The following OLFM3 variants were observed in gnomAD, a reference collection of about 807,000 sequenced individuals.
OLFM3 encodes the protein noelin-3.
Under a neutral mutation model 48.6 loss-of-function variants are expected in OLFM3, and 20 were observed. The ratio of observed to expected loss-of-function variants is 0.41; its 90% CI spans 0.29 to 0.60. The LOEUF (loss-of-function observed/expected upper bound fraction) is 0.60. Ranked by LOEUF, OLFM3 falls within the 20% of genes least tolerant of loss-of-function variation. The pLI, the probability that OLFM3 is intolerant of heterozygous loss-of-function variation, is 0.28. For synonymous variants in OLFM3, 222 were observed against 198.1 expected (o/e 1.12, Z -1.01); for missense variants, 437 against 544.3 (o/e 0.80, Z 1.96).
intron 3 of OLFM3, among the ~76,000 whole-genome samples, chr1:101,827,373 T>TCA (rs1654912018): frequency 6.6e-6 from 1 of 151,828 alleles, no homozygotes; most frequent in Admixed American, 6.6e-5. Context: ...TGGAGTGCAG[T>TCA]CAGTGGCGCG....
At chr1:101,820,759 A>C (rs1654573248) in intron 4 of OLFM3, among the ~76,000 whole-genome samples, 1 of 152,096 alleles carries the variant, frequency 6.6e-6, no homozygotes, top group Non-Finnish European at 1.5e-5. Flanking sequence ...TTAGCATCTT[A>C]AAATTCATGT....
chr1:101,925,883 T>C (rs1659256498), intron 1 of OLFM3, among the ~76,000 whole-genome samples: 1 of 152,136 alleles, frequency 6.6e-6, no homozygotes, highest in Admixed American at 6.6e-5. Flanking sequence ...TGACATACCT[T>C]ATTCTCAGTT....
At chr1:101,846,207 C>T (rs1292483202) in intron 1 of OLFM3, among the ~76,000 whole-genome samples, 1 of 152,176 alleles carries the variant, frequency 6.6e-6, no homozygotes, top group Non-Finnish European at 1.5e-5. Context: ...GAAGATTATA[C>T]AAGACAGTCT....
rs1657462104 is a variant in OLFM3 at position 101,880,131 on chromosome 1, G to T, written c.70-43106C>A. On this transcript the variant is annotated intron_variant, in intron 1 of 5. Transcript: ENST00000370103. ...TTACAACTTTAGAAATGAACCCCAT[G>T]AAAATTCACACTACATAATTTAATT... Among the ~76,000 whole-genome samples the T allele has an allele frequency of 2.0e-5, 3 of 151,932 alleles. No individual in the cohort carries two copies. The South Asian group carries it at 6.2e-4, about 32-fold the overall frequency.
At chr1:101,880,801 T>C (rs1292271478) in intron 1 of OLFM3, among the ~76,000 whole-genome samples, 1 of 151,840 alleles carries the variant, frequency 6.6e-6, no homozygotes, top group African/African-American at 2.4e-5. Context: ...CTTGACTATA[T>C]ATGTTGCATC....
In OLFM3 at chr1:101,804,544, A is replaced by G. The variant is rs553939764; in HGVS notation, c.1071T>C (p.Asp357=). 1.9e-6 allele frequency: 3 copies of G among 1,612,664 alleles called. No homozygotes were observed. The highest frequency in any genetic ancestry group is 1.7e-6 in the Non-Finnish European group (2 of 1,179,156). ...GNIVISQLNQ[D]TLEVMKSWST... ...TCCAGCTCTTCATCACCTCCAAGGT[A>G]TCTTGGTTAAGTTGGCTGATGACAA... The change falls in exon 6 of 6, where the codon GAT becomes GAC. Residue 357 remains aspartate, a synonymous_variant. Transcript: ENST00000370103. This position sits in a 1 kb window ranked among gnomAD's most constrained non-coding sequence, Gnocchi z 4.5.
intron 1 of OLFM3, among the ~76,000 whole-genome samples, chr1:101,838,091 T>C (rs1000193273): frequency 5.3e-5 from 8 of 152,118 alleles, no homozygotes; most frequent in Non-Finnish European, 1.0e-4. Context: ...TGCAGCCTCC[T>C]GGGCTCAAGC....
intron 1 of OLFM3, among the ~76,000 whole-genome samples, chr1:101,956,622 T>G (rs1208089629): frequency 6.6e-6 from 1 of 151,930 alleles, no homozygotes; most frequent in African/African-American, 2.4e-5. Flanking sequence ...TTTAAAAATT[T>G]TGAGTCTGTA....
intron 1 of OLFM3, among the ~76,000 whole-genome samples, chr1:101,847,810 T>C (rs186110169): frequency 6.6e-6 from 1 of 152,302 alleles, no homozygotes; most frequent in Admixed American, 6.5e-5. Context: ...CGGACTGATA[T>C]GGAAAGTCTG....
chr1:101,875,698 T>G (rs1185707817), intron 1 of OLFM3, among the ~76,000 whole-genome samples: 1 of 151,936 alleles, frequency 6.6e-6, no homozygotes, highest in African/African-American at 2.4e-5. Flanking sequence ...TTGTCTGTCA[T>G]CAGACCACTT....
intron 1 of OLFM3, among the ~76,000 whole-genome samples, chr1:101,907,256 T>G (rs1239305813): frequency 6.6e-6 from 1 of 152,206 alleles, no homozygotes; most frequent in Non-Finnish European, 1.5e-5. Flanking sequence ...GTAGAGAATA[T>G]GTTTAAAATA....
chr1:101,806,321 T>A, intron 4 of OLFM3, 139 bp from the exon 5 acceptor site: 1 of 654,114 alleles, frequency 1.5e-6, no homozygotes, highest in Non-Finnish European at 2.7e-6. Context: ...AATAAATGAT[T>A]ATTCACAATG....
intron 1 of OLFM3, among the ~76,000 whole-genome samples, chr1:101,946,591 G>T (rs1458780411): frequency 6.6e-6 from 1 of 152,138 alleles, no homozygotes; most frequent in Non-Finnish European, 1.5e-5. Context: ...CTCAATTAAT[G>T]AATTATGTTC....
At chr1:101,965,632 A>G (rs1202635032) in intron 1 of OLFM3, among the ~76,000 whole-genome samples, 1 of 152,196 alleles carries the variant, frequency 6.6e-6, no homozygotes, top group Non-Finnish European at 1.5e-5. Context: ...GGGAAAAGCT[A>G]AGATATTGTT....
intron 4 of OLFM3, among the ~76,000 whole-genome samples, chr1:101,807,288 C>T (rs1487283640): frequency 6.6e-6 from 1 of 151,704 alleles, no homozygotes; most frequent in Non-Finnish European, 1.5e-5. Context: ...ATATGACTGC[C>T]TATAAAATGT....
intron 1 of OLFM3, among the ~76,000 whole-genome samples, chr1:101,841,121 T>G (rs919446099): frequency 6.6e-6 from 1 of 152,232 alleles, no homozygotes; most frequent in Non-Finnish European, 1.5e-5. Flanking sequence ...TATATGATAG[T>G]TCTAAGGCTT....
At chr1:101,966,319 G>T (rs4908205) in intron 1 of OLFM3, among the ~76,000 whole-genome samples, 7,650 of 137,272 alleles carry the variant, frequency 0.056, 297 homozygotes, top group African/African-American at 0.11. Context: ...TGGCTAATTT[G>T]TGTGTGTGTG....
intron 1 of OLFM3, among the ~76,000 whole-genome samples, chr1:101,980,749 A>G (rs950881717): frequency 6.6e-6 from 1 of 152,136 alleles, no homozygotes; most frequent in African/African-American, 2.4e-5. Flanking sequence ...CCCACTTTCT[A>G]TTATAATTTG....
chr1:101,924,620 A>G (rs942494102), intron 1 of OLFM3, among the ~76,000 whole-genome samples: 6 of 152,202 alleles, frequency 3.9e-5, no homozygotes, highest in Non-Finnish European at 8.8e-5. Context: ...CAACACTGTC[A>G]TTCCCAATAA....
Sources: allele counts gnomAD v4.1 joint callset (sites outside exome capture counted in the v4.1 genomes callset), GRCh38; gene constraint gnomAD v4.1.1; non-coding constraint Gnocchi (gnomAD v3.1); transcripts MANE v1.5; gene names NCBI Gene and HGNC (gene_info 2026-07-23, HGNC 2026-07-21).